Variants in PPIE observed in about 807,000 individuals in gnomAD.
PPIE encodes peptidyl-prolyl cis-trans isomerase E.
Under a neutral mutation model 38.4 loss-of-function variants are expected in PPIE, and 20 were observed. The observed-to-expected ratio is 0.52, with a 90% confidence interval of 0.37 to 0.76. The LOEUF (loss-of-function observed/expected upper bound fraction) is 0.76, where lower values mean the gene tolerates loss of function less well. PPIE is among the 30% of genes least tolerant of loss of function. PPIE has a pLI of 0.00. For synonymous variants in PPIE, 142 were observed against 135.7 expected (o/e 1.05, Z -0.32); for missense variants, 322 against 385.8 (o/e 0.83, Z 1.39).
chr1:39,751,784 A>C (rs1271955289), intron 8 of PPIE, among the ~76,000 whole-genome samples: 1 of 152,092 alleles, frequency 6.6e-6, no homozygotes, highest in African/African-American at 2.4e-5. Flanking sequence ...AATATTTCAG[A>C]CAGTCAAAAA....
intron 4 of PPIE, chr1:39,742,662 T>G (rs1178624934): frequency 6.6e-6 from 1 of 152,594 alleles, no homozygotes; most frequent in Middle Eastern, 3.1e-3. Context: ...TAGTTAGTCC[T>G]GAATATTAAT....
chr1:39,759,818 A>T (rs932087169), downstream of PPIE: 2 of 152,686 alleles, frequency 1.3e-5, no homozygotes, highest in African/African-American at 4.8e-5. Flanking sequence ...GCCCTAAATC[A>T]TGCTGTTCAC....
intron 8 of PPIE, among the ~76,000 whole-genome samples, chr1:39,750,365 C>CTTATCCCACCTCCCAGATG (rs1186934939): frequency 6.6e-6 from 1 of 152,166 alleles, no homozygotes; most frequent in Non-Finnish European, 1.5e-5. Context: ...TGGCGATCAT[C>CTTATCCCACCTCCCAGATG]TTATCCCACC....
intron 7 of PPIE, chr1:39,746,992 C>T (rs1244694184): frequency 6.6e-6 from 1 of 152,170 alleles, no homozygotes; most frequent in African/African-American, 2.4e-5. Context: ...CTTCTGATAA[C>T]CTCTAATCTT....
chr1:39,753,607 C>G lies in PPIE; in HGVS notation c.*252C>G, dbSNP rs1302686980. 3.7e-6 allele frequency: 5 copies of G among 1,344,858 alleles called. No homozygotes were observed. Among genetic ancestry groups the G allele is most frequent in the African/African-American group, 3.0e-5 (2 of 67,444 alleles). 83.3% of individuals were successfully genotyped at this position (1,344,858 alleles called of 1,614,324 possible). On this transcript the variant is annotated 3_prime_UTR_variant, in exon 10 of 10. Transcript: ENST00000324379. ...CATGGGCAGGCTGTGCAAAAAGCCA[C>G]TGGCTTTTCTCAGCATTTGCTGCTG...
intron 4 of PPIE, chr1:39,742,490 C>CTTTTTTTTTTTTT (rs5773671): frequency 1.5e-4 from 16 of 107,244 alleles, no homozygotes; most frequent in Non-Finnish European, 2.0e-4. Context: ...TTCTTTCTTT[C>CTTTTTTTTTTTTT]TTTTTTTTTT....
At position 39,755,604 on chromosome 1, in the gene PPIE, G is replaced by A. The variant is rs1426435459; in HGVS notation, c.*2249G>A. ...AGCACTGACTTCAGTGCTTGGACGA[G>A]AACCAGGAGAGAGTGTGTAGAAAAA... On this transcript the variant is annotated 3_prime_UTR_variant, in exon 10 of 10. Transcript: ENST00000324379. 1 of 985,424 alleles carries A rather than the reference G, an allele frequency of 1.0e-6. No individual in the cohort carries two copies. Among genetic ancestry groups the A allele is most frequent in the East Asian group, 1.1e-4 (1 of 8,812 alleles). The allele number at this position is 985,424 out of a possible 1,614,324, so 61.0% of individuals were successfully genotyped here.
Position 39,753,487 on chromosome 1 carries a change from A to G in PPIE, c.*132A>G. ...GCATTTGGGATATGTGCCCTTCCTC[A>G]GGGTCTGCTTGGAGCAGCTCCTCTG... is the stretch of plus-strand genomic sequence containing the variant. On this transcript the variant is annotated 3_prime_UTR_variant, in exon 10 of 10. Coordinates refer to ENST00000324379, the MANE Select transcript of PPIE (RefSeq NM_006112.4). 4.1e-6 allele frequency: 6 copies of G among 1,477,232 alleles called. No individual in the cohort carries two copies. Among genetic ancestry groups the G allele is most frequent in the Non-Finnish European group, 5.4e-6 (6 of 1,115,350 alleles). 91.5% of individuals were successfully genotyped at this position (1,477,232 alleles called of 1,614,324 possible).
chr1:39,742,205 G>A, intron 4 of PPIE: 1 of 380,442 alleles, frequency 2.6e-6, no homozygotes. Context: ...CAAATTGATT[G>A]CACGGTGTAA....
rs141253539 is a variant in PPIE at position 39,755,851 on chromosome 1, C to T, written c.*2496C>T. ...CACAGGTAAACTGAGGCTTTATTGG[C>T]GTGACTGCCAAAGGTCACACAGGGT... is the stretch of plus-strand genomic sequence containing the variant. On this transcript the variant is annotated 3_prime_UTR_variant, in exon 10 of 10. Transcript: ENST00000324379. 3.0e-4 allele frequency: 299 copies of T among 985,372 alleles called. No individual in the cohort carries two copies. The African/African-American group carries it at 4.8e-3, about 16-fold the overall frequency. 61.0% of individuals were successfully genotyped at this position (985,372 alleles called of 1,614,324 possible). A position where few individuals can be genotyped will look rare whatever the true frequency, so the allele number is the denominator to read the frequency against.
intron 2 of PPIE, 124 bp downstream of exon 2, chr1:39,740,387 G>A: frequency 1.4e-6 from 1 of 711,490 alleles, no homozygotes. Context: ...GGTAAGTTCA[G>A]GAAGGTGTCT....
Position 39,755,553 on chromosome 1 carries a change from C to T in PPIE, c.*2198C>T, listed in dbSNP as rs1179158796. On this transcript the variant is annotated 3_prime_UTR_variant, in exon 10 of 10. Coordinates refer to ENST00000324379, the MANE Select transcript of PPIE (RefSeq NM_006112.4). ...TCAGAGGTCAGTCACAGGTGTTAGG[C>T]AGGCATCTATGAAGCTGGGGATGAT... 23 of 985,322 alleles carry T rather than the reference C, an allele frequency of 2.3e-5. No individual in the cohort carries two copies. Among genetic ancestry groups the T allele is most frequent in the African/African-American group, 3.5e-5 (2 of 57,250 alleles). 61.0% of individuals were successfully genotyped at this position (985,322 alleles called of 1,614,324 possible). A position where few individuals can be genotyped will look rare whatever the true frequency, so the allele number is the denominator to read the frequency against.
intron 1 of PPIE, among the ~76,000 whole-genome samples, chr1:39,739,635 C>G (rs1239285612): frequency 6.6e-6 from 1 of 152,098 alleles, no homozygotes; most frequent in Non-Finnish European, 1.5e-5. Context: ...AGCTGATGAG[C>G]AGGAGTTAGC....
In PPIE at chr1:39,754,424, A is replaced by G. The variant is rs753306751; in HGVS notation, c.*1069A>G. ...AGGAAAAAAACTGATGTTGCAGTTC[A>G]GCTCTGAGGCAGTTTGGAAGCAGAA... On this transcript the variant is annotated 3_prime_UTR_variant, in exon 10 of 10. Transcript: ENST00000324379. Among the ~76,000 whole-genome samples, 6 of 152,262 alleles carry G rather than the reference A, an allele frequency of 3.9e-5. No individual in the cohort carries two copies. The highest frequency in any genetic ancestry group is 1.9e-4 in the East Asian group (1 of 5,202).
chr1:39,760,314 T>C, downstream of PPIE: 2 of 1,535,118 alleles, frequency 1.3e-6, no homozygotes. Context: ...GGGTCCTCCC[T>C]GGCAATGCCC....
chr1:39,744,401 TC>T (rs756983075), intron 6 of PPIE, among the ~76,000 whole-genome samples: 8 of 152,146 alleles, frequency 5.3e-5, no homozygotes, highest in Non-Finnish European at 1.0e-4. Context: ...CTGGGGCACT[TC>T]CCCCTGATTC....
intron 9 of PPIE, chr1:39,763,556 C>G: frequency 8.6e-7 from 1 of 1,166,564 alleles, no homozygotes; most frequent in Non-Finnish European, 1.2e-6. Flanking sequence ...AAAACCCTTT[C>G]TCACCATATT....
chr1:39,739,609 G>A (rs2124280894), intron 1 of PPIE, among the ~76,000 whole-genome samples: 1 of 152,288 alleles, frequency 6.6e-6, no homozygotes, highest in South Asian at 2.1e-4. Context: ...GCAAATTCTG[G>A]ATGCGGCGAT....
At chr1:39,749,127 G>A (rs372881583) in intron 8 of PPIE, 39 bp downstream of exon 8, 10 of 1,545,858 alleles carry the variant, frequency 6.5e-6, no homozygotes, top group Middle Eastern at 1.7e-4. Flanking sequence ...GGGAGGCTGG[G>A]CAAGGGTGGG....
Sources: gnomAD v4.1 joint callset for allele counts (sites outside exome capture counted in the v4.1 genomes callset) on GRCh38, gnomAD v4.1.1 for gene constraint, MANE v1.5 for transcripts, NCBI Gene and HGNC (gene_info 2026-07-23, HGNC 2026-07-21) for gene names.